KLF12: variants seen among roughly 807,000 people sequenced by gnomAD.
The protein encoded by KLF12 is KLF transcription factor 12, also known as Krueppel-like factor 12.
KLF12 carries 9 observed loss-of-function variants against 37.8 expected under a neutral mutation model. The ratio of observed to expected loss-of-function variants is 0.24; its 90% CI spans 0.14 to 0.42. KLF12 has a LOEUF of 0.42. Ranked by LOEUF, KLF12 falls within the 10% of genes least tolerant of loss-of-function variation. The pLI, the probability that KLF12 is intolerant of heterozygous loss-of-function variation, is 1.00. For synonymous variants in KLF12, 208 were observed against 202.1 expected, an observed-to-expected ratio of 1.03 and a Z score of -0.25; for missense variants, 411 against 516.0, an observed-to-expected ratio of 0.80 and a Z score of 1.97.
intron 1 of KLF12, among the ~76,000 whole-genome samples, chr13:74,113,335 C>T (rs1003526313): frequency 4.6e-5 from 7 of 152,194 alleles, no homozygotes; most frequent in African/African-American, 7.2e-5. Flanking sequence ...CGCAAGAAGA[C>T]GCCATGGAGG....
At chr13:74,074,506 G>A (rs1231962154) in intron 1 of KLF12, among the ~76,000 whole-genome samples, 2 of 152,052 alleles carry the variant, frequency 1.3e-5, no homozygotes, top group African/African-American at 4.8e-5. Flanking sequence ...TGGATCCCAG[G>A]TACCAGGTAC....
At chr13:74,142,669 A>G in the KLF12 span, among the ~76,000 whole-genome samples, 1 of 152,294 alleles carries the variant, frequency 6.6e-6, no homozygotes, top group South Asian at 2.1e-4. Flanking sequence ...TCGGTGAAAG[A>G]ATGAAAGTAA....
At chr13:73,983,515 C>T (rs996190291) in intron 2 of KLF12, among the ~76,000 whole-genome samples, 5 of 152,168 alleles carry the variant, frequency 3.3e-5, no homozygotes, top group African/African-American at 1.2e-4. Flanking sequence ...TAACTTACTC[C>T]CAGCCTTTAT....
chr13:73,778,314 A>G (rs1296900477), intron 5 of KLF12, among the ~76,000 whole-genome samples: 1 of 152,160 alleles, frequency 6.6e-6, no homozygotes, highest in Non-Finnish European at 1.5e-5. Context: ...TCCTAAAGCA[A>G]GAGCTTCCAT....
Position 73,693,875 on chromosome 13 carries a change from C to T in KLF12, c.*1615G>A, listed in dbSNP as rs1219622769. On this transcript the variant is annotated 3_prime_UTR_variant, in exon 8 of 8. Coordinates refer to ENST00000377669, the MANE Select transcript of KLF12 (RefSeq NM_007249.5). ...AAAAAAACCCAGCTTGTGGTGGGGACAAAAATATGGTAATTTTTCTGAAAG... is the reference window on the plus strand; with the variant it reads ...AAAAAAACCCAGCTTGTGGTGGGGATAAAAATATGGTAATTTTTCTGAAAG... 1.3e-5 allele frequency: 2 copies of T among 152,522 alleles called. No homozygotes were observed. Among genetic ancestry groups the T allele is most frequent in the Non-Finnish European group, 2.9e-5 (2 of 68,008 alleles). The allele number at this position is 152,522 out of a possible 1,614,324, so 9.4% of individuals were successfully genotyped here. A position where few individuals can be genotyped will look rare whatever the true frequency, so the allele number is the denominator to read the frequency against.
At chr13:74,071,916 A>G (rs1265379041) in intron 1 of KLF12, among the ~76,000 whole-genome samples, 1 of 152,158 alleles carries the variant, frequency 6.6e-6, no homozygotes, top group Non-Finnish European at 1.5e-5. Flanking sequence ...CCACATATTA[A>G]CAGAAGAGTG....
intron 7 of KLF12, among the ~76,000 whole-genome samples, chr13:73,696,050 T>A (rs1874121586): frequency 6.6e-6 from 1 of 152,128 alleles, no homozygotes; most frequent in African/African-American, 2.4e-5. Flanking sequence ...GGTCAAGCAG[T>A]TATGCCTTGT....
chr13:73,765,627 T>A (rs1441522472), intron 5 of KLF12, among the ~76,000 whole-genome samples: 1 of 152,182 alleles, frequency 6.6e-6, no homozygotes, highest in African/African-American at 2.4e-5. Context: ...AATATATTGC[T>A]TTCCAAGCTT....
chr13:74,014,680 CCTT>C (rs138046654), intron 1 of KLF12, among the ~76,000 whole-genome samples: 1 of 152,290 alleles, frequency 6.6e-6, no homozygotes, highest in Non-Finnish European at 1.5e-5. Context: ...TCAGTTATAA[CCTT>C]CTATTTTCAG....
At chr13:74,246,780 A>G in the KLF12 span, among the ~76,000 whole-genome samples, 6 of 152,220 alleles carry the variant, frequency 3.9e-5, no homozygotes, top group Non-Finnish European at 8.8e-5. Context: ...TAGAAGTCAG[A>G]GGGCTGTGGC....
At chr13:74,025,308 T>C (rs1187491263) in intron 1 of KLF12, among the ~76,000 whole-genome samples, 1 of 148,360 alleles carries the variant, frequency 6.7e-6, no homozygotes, top group African/African-American at 2.5e-5. Flanking sequence ...GATTAAACCA[T>C]AATTCTACAA....
chr13:73,906,953 T>C (rs1246155306), intron 3 of KLF12, among the ~76,000 whole-genome samples: 1 of 152,210 alleles, frequency 6.6e-6, no homozygotes, highest in Middle Eastern at 3.2e-3. Flanking sequence ...GTGATGTTTA[T>C]ATACATTGGT....
chr13:74,304,357 T>G, the KLF12 span, among the ~76,000 whole-genome samples: 1 of 152,138 alleles, frequency 6.6e-6, no homozygotes, highest in Non-Finnish European at 1.5e-5. Context: ...TTGCGGACCT[T>G]CTTGTAACCA....
At chr13:74,085,486 T>A (rs532412558) in intron 1 of KLF12, among the ~76,000 whole-genome samples, 8 of 152,346 alleles carry the variant, frequency 5.3e-5, no homozygotes, top group Middle Eastern at 3.4e-3. Flanking sequence ...AGCTTACACA[T>A]AATTCACTGA....
intron 5 of KLF12, among the ~76,000 whole-genome samples, chr13:73,782,149 G>T (rs975274521): frequency 1.3e-5 from 2 of 152,190 alleles, no homozygotes; most frequent in African/African-American, 4.8e-5. Flanking sequence ...TCAAATCCAG[G>T]TTCTGCACTT....
intron 1 of KLF12, among the ~76,000 whole-genome samples, chr13:74,031,291 G>C (rs1893104848): frequency 6.6e-6 from 1 of 152,064 alleles, no homozygotes; most frequent in African/African-American, 2.4e-5. Flanking sequence ...TCATAAATTA[G>C]ATTTACACTC....
chr13:74,294,383 G>A, the KLF12 span, among the ~76,000 whole-genome samples: 1 of 152,006 alleles, frequency 6.6e-6, no homozygotes, highest in Non-Finnish European at 1.5e-5. Flanking sequence ...GAATTTTTAA[G>A]GAGGTCATTT....
intron 3 of KLF12, among the ~76,000 whole-genome samples, chr13:73,867,121 A>G (rs1373295924): frequency 6.6e-6 from 1 of 152,206 alleles, no homozygotes; most frequent in African/African-American, 2.4e-5. Context: ...ACAGTACTAC[A>G]TTCTGCAATT....
chr13:74,118,758 T>A (rs1877456117), intron 1 of KLF12, among the ~76,000 whole-genome samples: 1 of 152,148 alleles, frequency 6.6e-6, no homozygotes, highest in Non-Finnish European at 1.5e-5. Flanking sequence ...ACATCTTAAT[T>A]GTAAGAGGGT....
Sources: gnomAD v4.1 joint callset for allele counts (sites outside exome capture counted in the v4.1 genomes callset) on GRCh38, gnomAD v4.1.1 for gene constraint, MANE v1.5 for transcripts, NCBI Gene and HGNC (gene_info 2026-07-23, HGNC 2026-07-21) for gene names.